The following SLC35E3 variants were observed in gnomAD, a reference collection of about 807,000 sequenced individuals.
SLC35E3 encodes the protein solute carrier family 35 member E3.
Under a neutral mutation model 30.8 loss-of-function variants are expected in SLC35E3, and 28 were observed. The ratio of observed to expected loss-of-function variants is 0.91; its 90% CI spans 0.67 to 1.25. SLC35E3 has a LOEUF of 1.25. Among genes scored for constraint, SLC35E3 ranks in the 50% most tolerant of loss-of-function variants. The pLI is 0.00. For missense variants in SLC35E3, 365 were observed against 375.4 expected (o/e 0.97, Z 0.23); for synonymous variants, 146 against 149.2 (o/e 0.98, Z 0.16).
Position 68,747,927 on chromosome 12 carries a change from C to A in SLC35E3, c.403-3C>A. On this transcript the variant is annotated splice_polypyrimidine_tract_variant and splice_region_variant and intron_variant, in intron 1 of 4. Transcript: ENST00000398004. ...AACAACATTTACCTCTTTTTCGTTA[C>A]AGATTCCTATAACTTTAGGTGTAAT... 2 of 1,467,580 alleles carry A rather than the reference C, an allele frequency of 1.4e-6. No individual in the cohort carries two copies. Among genetic ancestry groups the A allele is most frequent in the South Asian group, 1.2e-5 (1 of 84,372 alleles). 90.9% of individuals were successfully genotyped at this position (1,467,580 alleles called of 1,614,324 possible).
In SLC35E3 at chr12:68,766,987, A is replaced by G. The variant is rs866229726; in HGVS notation, c.*2097A>G. 1.3e-4 allele frequency: 26 copies of G among 198,300 alleles called. No homozygotes were observed. In the Middle Eastern group the frequency reaches 0.012, roughly 95 times the overall value. The allele number at this position is 198,300 out of a possible 1,614,324, so 12.3% of individuals were successfully genotyped here. On this transcript the variant is annotated 3_prime_UTR_variant, in exon 5 of 5. Coordinates refer to ENST00000398004, the MANE Select transcript of SLC35E3 (RefSeq NM_018656.5). ...ACTGAAACACTTGGAGTGAACTGCA[A>G]ACTTGGAGTGAACTACATCCAACCT...
chr12:68,761,396 T>C (rs1879228741), intron 4 of SLC35E3, among the ~76,000 whole-genome samples: 1 of 152,126 alleles, frequency 6.6e-6, no homozygotes, highest in South Asian at 2.1e-4. Flanking sequence ...AAAAGTTTTT[T>C]AAAATAAAAT....
chr12:68,748,552 T>C (rs890860153), intron 2 of SLC35E3, among the ~76,000 whole-genome samples: 10 of 152,010 alleles, frequency 6.6e-5, no homozygotes, highest in African/African-American at 2.4e-4. Flanking sequence ...TTAATAAATA[T>C]AGAGTAATTT....
chr12:68,755,014 A>T (rs1042328011), intron 3 of SLC35E3, among the ~76,000 whole-genome samples: 18 of 152,176 alleles, frequency 1.2e-4, no homozygotes, highest in African/African-American at 4.3e-4. Context: ...AAGTCTGAGA[A>T]CAGGCTGCCA....
At chr12:68,749,905 C>T (rs1165625008) in intron 2 of SLC35E3, among the ~76,000 whole-genome samples, 1 of 152,030 alleles carries the variant, frequency 6.6e-6, no homozygotes, top group Admixed American at 6.6e-5. Context: ...GAGCACGCAC[C>T]AGGAGAGGAG....
rs1879879943 is a variant in SLC35E3 at position 68,781,395 on chromosome 12, A to G, written c.*16505A>G. ...CCTTTATAGCTACAATTATAACAGG[A>G]TTGTTTCTACATTTTAGCTTGGAGA... On this transcript the variant is annotated 3_prime_UTR_variant, in exon 5 of 5. Transcript: ENST00000398004. 1 of 152,210 alleles carries G rather than the reference A, an allele frequency of 6.6e-6. No homozygotes were observed. The highest frequency in any genetic ancestry group is 2.1e-4 in the South Asian group (1 of 4,836). 9.4% of individuals were successfully genotyped at this position (152,210 alleles called of 1,614,324 possible).
chr12:68,763,174 A>G (rs1445084547), intron 4 of SLC35E3, among the ~76,000 whole-genome samples: 3 of 152,178 alleles, frequency 2.0e-5, no homozygotes, highest in South Asian at 2.1e-4. Flanking sequence ...CTTTGTGTAT[A>G]TTAACTTATT....
chr12:68,749,370 C>T (rs1184315808), intron 2 of SLC35E3, among the ~76,000 whole-genome samples: 1 of 152,164 alleles, frequency 6.6e-6, no homozygotes, highest in African/African-American at 2.4e-5. Flanking sequence ...GGGATAATTT[C>T]TATGTTGTTT....
rs1879335530 is a variant in SLC35E3 at position 68,764,881 on chromosome 12, A to G, written c.933A>G (p.Gln311=). 1 of 1,613,664 alleles carries G rather than the reference A, an allele frequency of 6.2e-7. No individual in the cohort carries two copies. Among genetic ancestry groups the G allele is most frequent in the Middle Eastern group, 1.7e-4 (1 of 6,060 alleles). The change falls in exon 5 of 5, where the codon CAA becomes CAG. Residue 311 remains glutamine (Q), a synonymous_variant. Transcript: ENST00000398004. ...EQEGSRSKLA[Q]RP is the part of the protein sequence containing the mutation. ...AAGGAAGTAGGAGTAAACTGGCACA[A>G]CGTCCTTAATTGGGTTTTTGTGGAG...
chr12:68,759,144 G>T lies in SLC35E3; in HGVS notation c.673-13G>T. ...AGTGCTTTGCATTAATGGTTCTTTT[G>T]GTTTATTTGTAGCTTATGGTGCTGC... On this transcript the variant is annotated splice_polypyrimidine_tract_variant and intron_variant, in intron 3 of 4. Coordinates refer to ENST00000398004, the MANE Select transcript of SLC35E3 (RefSeq NM_018656.5). The T allele has an allele frequency of 6.3e-7, 1 of 1,583,996 alleles. No homozygotes were observed. Among genetic ancestry groups the T allele is most frequent in the Non-Finnish European group, 8.6e-7 (1 of 1,156,630 alleles).
At chr12:68,764,646 T>A (rs1009781966) in intron 4 of SLC35E3, 58 bp from the exon 5 acceptor site, 38 of 1,528,528 alleles carry the variant, frequency 2.5e-5, no homozygotes, top group Non-Finnish European at 3.2e-5. Flanking sequence ...TGCGAGTGTG[T>A]GTGTAAATAT....
intron 4 of SLC35E3, among the ~76,000 whole-genome samples, chr12:68,762,498 G>A (rs1471781933): frequency 3.3e-5 from 5 of 152,166 alleles, no homozygotes; most frequent in South Asian, 4.1e-4. Context: ...AGGGCACTGG[G>A]TTTGACCAGA....
intron 4 of SLC35E3, chr12:68,759,910 T>C: frequency 1.3e-5 from 2 of 152,398 alleles, no homozygotes. Flanking sequence ...CAGGTATTTC[T>C]AGTAACAAAG....
At chr12:68,758,520 T>C (rs925079384) in intron 3 of SLC35E3, among the ~76,000 whole-genome samples, 1 of 152,080 alleles carries the variant, frequency 6.6e-6, no homozygotes, top group Non-Finnish European at 1.5e-5. Flanking sequence ...CTTTTCTTTA[T>C]TGTCTGATGT....
rs1879475894 is a variant in SLC35E3 at position 68,767,626 on chromosome 12, A to G, written c.*2736A>G. ...ACAATAAAAATATATATACACACAT[A>G]TAATATACCTTTGGGGTTTTTAGGA... On this transcript the variant is annotated 3_prime_UTR_variant, in exon 5 of 5. Coordinates refer to ENST00000398004, the MANE Select transcript of SLC35E3 (RefSeq NM_018656.5). 2.0e-5 allele frequency: 3 copies of G among 152,008 alleles called. No homozygotes were observed. The highest frequency in any genetic ancestry group is 7.2e-5 in the African/African-American group (3 of 41,396). 9.4% of individuals were successfully genotyped at this position (152,008 alleles called of 1,614,324 possible). A position where few individuals can be genotyped will look rare whatever the true frequency, so the allele number is the denominator to read the frequency against.
chr12:68,750,429 C>T (rs1028649908), intron 2 of SLC35E3, among the ~76,000 whole-genome samples: 1 of 152,174 alleles, frequency 6.6e-6, no homozygotes, highest in Non-Finnish European at 1.5e-5. Context: ...GTGCAGGAGG[C>T]AGTGAGGGAG....
In SLC35E3 at chr12:68,746,363, A is replaced by G; in HGVS notation, c.-15A>G. The G allele has an allele frequency of 6.5e-7, 1 of 1,549,800 alleles. No individual in the cohort carries two copies. Among genetic ancestry groups the G allele is most frequent in the Non-Finnish European group, 8.7e-7 (1 of 1,147,170 alleles). On this transcript the variant is annotated 5_prime_UTR_variant, in exon 1 of 5. Transcript: ENST00000398004. ...GCCCCTTCCGAGGCTAGACGGCCCCAGCTTCGCGGGGATCATGGCATTGCT... is the reference window on the plus strand; with the variant it reads ...GCCCCTTCCGAGGCTAGACGGCCCCGGCTTCGCGGGGATCATGGCATTGCT...
At position 68,746,670 on chromosome 12, in the gene SLC35E3, A is replaced by G. The variant is rs201722733; in HGVS notation, c.293A>G (p.Asn98Ser). 4 of 1,614,206 alleles carry G rather than the reference A, an allele frequency of 2.5e-6. No homozygotes were observed. Among genetic ancestry groups the G allele is most frequent in the Admixed American group, 3.3e-5 (2 of 60,030 alleles). Residue 98 changes from asparagine (N) to serine (S), a missense_variant, in exon 1 of 5, where the codon AAC becomes AGC. Coordinates refer to ENST00000398004, the MANE Select transcript of SLC35E3 (RefSeq NM_018656.5). ...VVFTNLSLQNNTIGTYQLAKA... is the reference protein window; with the variant it reads ...VVFTNLSLQNSTIGTYQLAKA... Reference sequence around the variant, plus strand: ...TTCACTAACCTTTCTCTGCAGAACAACACCATAGGCACCTATCAGCTGGCC... The same window carrying G: ...TTCACTAACCTTTCTCTGCAGAACAGCACCATAGGCACCTATCAGCTGGCC...
At position 68,773,988 on chromosome 12, in the gene SLC35E3, C is replaced by T. The variant is rs1010850228; in HGVS notation, c.*9098C>T. The T allele has an allele frequency of 1.3e-5, 2 of 152,182 alleles. No individual in the cohort carries two copies. Among genetic ancestry groups the T allele is most frequent in the African/African-American group, 4.8e-5 (2 of 41,438 alleles). The allele number at this position is 152,182 out of a possible 1,614,324, so 9.4% of individuals were successfully genotyped here. A position where few individuals can be genotyped will look rare whatever the true frequency, so the allele number is the denominator to read the frequency against. On this transcript the variant is annotated 3_prime_UTR_variant, in exon 5 of 5. Transcript: ENST00000398004. ...TCACCAATGGCACATAATTCAAAGT[C>T]TGCTGAGGATTTCTAGGGTATCCTG...
Sources: allele counts gnomAD v4.1 joint callset (sites outside exome capture counted in the v4.1 genomes callset), GRCh38; gene constraint gnomAD v4.1.1; transcripts MANE v1.5; gene names NCBI Gene and HGNC (gene_info 2026-07-23, HGNC 2026-07-21).